ASTN2: variants seen among roughly 807,000 people sequenced by gnomAD.
The protein encoded by ASTN2 is astrotactin 2.
Under a neutral mutation model 139.8 loss-of-function variants are expected in ASTN2, and 54 were observed. The observed-to-expected ratio is 0.39, with a 90% CI of 0.31 to 0.48. ASTN2 has a LOEUF of 0.48. Among genes scored for constraint, ASTN2 ranks in the 20% least tolerant of loss-of-function variants. The pLI, the probability that ASTN2 is intolerant of heterozygous loss-of-function variation, is 0.95. For synonymous variants in ASTN2, 756 were observed against 719.5 expected (o/e 1.05, Z -0.81); for missense variants, 1,565 against 1,725.1 (o/e 0.91, Z 1.64).
rs1173832693 is a variant in ASTN2, at chr9:116,651,473, A to C, written c.3072+55T>G. 2.0e-5 allele frequency: 32 copies of C among 1,582,948 alleles called. No individual in the cohort carries two copies. The East Asian group carries it at 7.2e-4, about 36-fold the overall frequency. On this transcript the variant is annotated intron_variant, in intron 17 of 22. Transcript: ENST00000313400. ...CCCTGGACAAAGGGTCCACAAGGGT[A>C]GGAGGTAGGAGGGCTGGTCAAGTTT...
At chr9:116,836,673 C>T (rs1356695900) in intron 11 of ASTN2, among the ~76,000 whole-genome samples, 1 of 152,076 alleles carries the variant, frequency 6.6e-6, no homozygotes, top group Non-Finnish European at 1.5e-5. Flanking sequence ...GAATAGGACA[C>T]ATGAGGCAAA....
chr9:116,453,806 G>A (rs565688037), intron 20 of ASTN2, among the ~76,000 whole-genome samples: 1 of 152,236 alleles, frequency 6.6e-6, no homozygotes, highest in East Asian at 1.9e-4. Context: ...TAGAGCTCCA[G>A]TTCAGCCACA....
At chr9:116,653,196 C>T (rs183476009) in intron 16 of ASTN2, among the ~76,000 whole-genome samples, 52 of 152,282 alleles carry the variant, frequency 3.4e-4, no homozygotes, top group Admixed American at 5.2e-4. Flanking sequence ...TTATAGAATT[C>T]TGAATGGCTA....
chr9:116,783,754 C>T (rs1348281863), intron 13 of ASTN2, among the ~76,000 whole-genome samples: 1 of 152,062 alleles, frequency 6.6e-6, no homozygotes, highest in East Asian at 1.9e-4. Context: ...AAATATAGGG[C>T]AGTACAGGGT....
chr9:116,820,172 C>G (rs1335927470), intron 12 of ASTN2, among the ~76,000 whole-genome samples: 2 of 152,260 alleles, frequency 1.3e-5, no homozygotes, highest in East Asian at 3.9e-4. Flanking sequence ...ACAGTGCCCT[C>G]ACATTGCTAC....
Position 117,189,346 on chromosome 9 carries a change from A to G in ASTN2, c.1015+25012T>C, listed in dbSNP as rs376237239. On this transcript the variant is annotated intron_variant, in intron 3 of 22. Transcript: ENST00000313400. ...CAAAGGCATGGGCTGGAACATGGAT[A>G]GAAAGGAACTCCTTCAGAAGTGGTG... Among the ~76,000 whole-genome samples the G allele has an allele frequency of 1.8e-4, 28 of 152,296 alleles. 2 individuals are homozygous for G. Among genetic ancestry groups the G allele is most frequent in the African/African-American group, 6.3e-4 (26 of 41,562 alleles).
At chr9:116,608,183 C>T (rs1480194408) in intron 19 of ASTN2, among the ~76,000 whole-genome samples, 1 of 152,172 alleles carries the variant, frequency 6.6e-6, no homozygotes, top group East Asian at 1.9e-4. Context: ...AGTGATTACA[C>T]TTCGTAAGAT....
At chr9:116,615,530 A>G (rs1157619184) in intron 19 of ASTN2, among the ~76,000 whole-genome samples, 17 of 152,076 alleles carry the variant, frequency 1.1e-4, no homozygotes, top group Admixed American at 1.1e-3. Flanking sequence ...ATACACCATG[A>G]AATACTATGC....
intron 16 of ASTN2, among the ~76,000 whole-genome samples, chr9:116,703,455 T>C (rs1827903452): frequency 6.6e-6 from 1 of 151,934 alleles, no homozygotes; most frequent in Non-Finnish European, 1.5e-5. Flanking sequence ...AAACCATCAT[T>C]CTCAGTAAAC....
rs868594847 is a variant in ASTN2 at position 117,023,889 on chromosome 9, A to G, written c.1424-15630T>C. On this transcript the variant is annotated intron_variant, in intron 6 of 22. Transcript: ENST00000313400. ...TAGGACTGGAGGCCTCTAGATGCCAACTTGCTGTCCTCACACTGTGTTTGG... is the reference window on the plus strand; with the variant it reads ...TAGGACTGGAGGCCTCTAGATGCCAGCTTGCTGTCCTCACACTGTGTTTGG... Among the ~76,000 whole-genome samples the G allele has an allele frequency of 2.0e-5, 3 of 152,244 alleles. No individual in the cohort carries two copies. The South Asian group carries it at 6.2e-4, about 32-fold the overall frequency.
Position 117,291,529 on chromosome 9 carries a change from C to A in ASTN2, c.443-16G>T, listed in dbSNP as rs1371211954. On this transcript the variant is annotated splice_polypyrimidine_tract_variant and intron_variant, in intron 1 of 22. Coordinates refer to ENST00000313400, the MANE Select transcript of ASTN2 (RefSeq NM_001365068.1). ...CCAGACATCTCTGCAAGACAAGACC[C>A]GAGGCACTGGGTGAGCCGTACGCCT... 6 of 1,578,206 alleles carry A rather than the reference C, an allele frequency of 3.8e-6. No individual in the cohort carries two copies. Among genetic ancestry groups the A allele is most frequent in the Non-Finnish European group, 5.2e-6 (6 of 1,160,112 alleles).
intron 5 of ASTN2, among the ~76,000 whole-genome samples, chr9:117,046,728 T>C (rs1838754972): frequency 6.6e-6 from 1 of 152,208 alleles, no homozygotes; most frequent in South Asian, 2.1e-4. Flanking sequence ...TAAATAGCTA[T>C]TTAAGGTGCA....
intron 4 of ASTN2, among the ~76,000 whole-genome samples, chr9:117,104,551 A>C (rs1207012612): frequency 6.6e-6 from 1 of 152,256 alleles, no homozygotes; most frequent in Non-Finnish European, 1.5e-5. Flanking sequence ...AGTTTTAAGA[A>C]GCATATAATA....
intron 3 of ASTN2, among the ~76,000 whole-genome samples, chr9:117,177,186 C>G (rs576530497): frequency 6.6e-6 from 1 of 152,134 alleles, no homozygotes; most frequent in South Asian, 2.1e-4. Flanking sequence ...TTAGAGTGAA[C>G]TACAATGAGG....
chr9:117,272,803 T>A (rs1469440765), intron 2 of ASTN2, among the ~76,000 whole-genome samples: 1 of 152,214 alleles, frequency 6.6e-6, no homozygotes, highest in Non-Finnish European at 1.5e-5. Context: ...CACCTCGGCC[T>A]GGACCTTATT....
intron 10 of ASTN2, among the ~76,000 whole-genome samples, chr9:116,956,681 C>T (rs1009799163): frequency 6.6e-6 from 1 of 151,906 alleles, no homozygotes; most frequent in African/African-American, 2.4e-5. Context: ...AAGGAACATA[C>T]ATACATACAT....
At chr9:116,672,865 T>C (rs1859282093) in intron 16 of ASTN2, among the ~76,000 whole-genome samples, 1 of 152,202 alleles carries the variant, frequency 6.6e-6, no homozygotes, top group Non-Finnish European at 1.5e-5. Context: ...GATAATGGTG[T>C]CCTTAATAAG....
At chr9:117,039,007 C>T (rs1370494911) in intron 6 of ASTN2, among the ~76,000 whole-genome samples, 1 of 152,190 alleles carries the variant, frequency 6.6e-6, no homozygotes, top group East Asian at 1.9e-4. Context: ...TCCAATAAAA[C>T]TCATACAGTC....
intron 1 of ASTN2, among the ~76,000 whole-genome samples, chr9:117,319,632 C>T (rs1414179): frequency 0.087 from 13,099 of 150,612 alleles, 696 homozygotes; most frequent in Non-Finnish European, 0.11. Flanking sequence ...TGGAGGATTT[C>T]GCCATGTTGG....
Sources: allele counts gnomAD v4.1 joint callset (sites outside exome capture counted in the v4.1 genomes callset), GRCh38; gene constraint gnomAD v4.1.1; transcripts MANE v1.5; gene names NCBI Gene and HGNC (gene_info 2026-07-23, HGNC 2026-07-21).